The following KAZN variants were observed in gnomAD, a reference collection of about 807,000 sequenced individuals.
KAZN encodes kazrin, periplakin interacting protein, also known as kazrin.
KAZN carries 40 observed loss-of-function variants against 87.4 expected under a neutral mutation model. The ratio of observed to expected loss-of-function variants is 0.46; its 90% CI spans 0.36 to 0.60. The LOEUF (loss-of-function observed/expected upper bound fraction) is 0.60. Ranked by LOEUF, KAZN falls within the 20% of genes least tolerant of loss-of-function variation. The pLI is 0.00. For missense variants in KAZN, 898 were observed against 1,073.9 expected, an observed-to-expected ratio of 0.84 and a Z score of 2.29; for synonymous variants, 466 against 458.3, an observed-to-expected ratio of 1.02 and a Z score of -0.22.
chr1:14,044,032 C>T (rs1641952203), intron 1 of KAZN, among the ~76,000 whole-genome samples: 1 of 152,160 alleles, frequency 6.6e-6, no homozygotes, highest in African/African-American at 2.4e-5. Context: ...GGTCTAAAGT[C>T]AACTGAAGAC....
chr1:14,199,016 G>A (rs1181046382), intron 2 of KAZN, among the ~76,000 whole-genome samples: 1 of 152,118 alleles, frequency 6.6e-6, no homozygotes, highest in Non-Finnish European at 1.5e-5. Flanking sequence ...ATGGGTTTGA[G>A]AGATAGTCTG....
intron 2 of KAZN, among the ~76,000 whole-genome samples, chr1:14,418,706 T>C (rs1156501089): frequency 6.6e-6 from 1 of 152,194 alleles, no homozygotes; most frequent in Non-Finnish European, 1.5e-5. Context: ...AAGCAACTTT[T>C]TGTCTATGAT....
intron 2 of KAZN, among the ~76,000 whole-genome samples, chr1:14,269,366 A>G (rs1390163265): frequency 6.6e-6 from 1 of 152,210 alleles, no homozygotes; most frequent in Non-Finnish European, 1.5e-5. Context: ...ATGGCTTCTG[A>G]ACACTTGACT....
chr1:14,480,747 G>A (rs1212911635), intron 2 of KAZN, among the ~76,000 whole-genome samples: 3 of 142,760 alleles, frequency 2.1e-5, no homozygotes, highest in Non-Finnish European at 4.6e-5. Flanking sequence ...TACTATATAT[G>A]TATTTATATA....
chr1:14,535,103 C>T (rs1427231102), intron 2 of KAZN, among the ~76,000 whole-genome samples: 1 of 152,186 alleles, frequency 6.6e-6, no homozygotes, highest in African/African-American at 2.4e-5. Flanking sequence ...GCTTGACTGG[C>T]CACCTAGTCC....
At chr1:14,946,320 T>TCTC (rs1557648484) in intron 1 of KAZN, 2 of 143,736 alleles carry the variant, frequency 1.4e-5, no homozygotes, top group East Asian at 4.1e-4. Context: ...ATTCTCTCTC[T>TCTC]CTTTTTTTTT....
chr1:14,997,367 A>G (rs1668004894), intron 2 of KAZN, among the ~76,000 whole-genome samples: 1 of 151,806 alleles, frequency 6.6e-6, no homozygotes, highest in Admixed American at 6.6e-5. Context: ...CAGCCTCCCG[A>G]GTAGCTGGGA....
At chr1:13,919,563 C>G (rs1639987021) in intron 1 of KAZN, among the ~76,000 whole-genome samples, 1 of 152,142 alleles carries the variant, frequency 6.6e-6, no homozygotes. Context: ...AGGAGTAGAA[C>G]TGGATCATGG....
intron 1 of KAZN, among the ~76,000 whole-genome samples, chr1:14,885,419 C>T (rs1057239151): frequency 2.0e-5 from 3 of 152,160 alleles, no homozygotes; most frequent in African/African-American, 7.2e-5. Flanking sequence ...CCTAAGTGTC[C>T]CCACTTCCCC....
At chr1:14,977,830 G>A (rs1364090193) in intron 2 of KAZN, among the ~76,000 whole-genome samples, 4 of 152,136 alleles carry the variant, frequency 2.6e-5, no homozygotes, top group African/African-American at 9.6e-5. Context: ...CCTGGGCAGG[G>A]CTGACTGTTG....
intron 2 of KAZN, among the ~76,000 whole-genome samples, chr1:14,554,146 C>T (rs1260579728): frequency 3.9e-5 from 6 of 152,140 alleles, no homozygotes; most frequent in Admixed American, 3.9e-4. Flanking sequence ...ATTTCTATAA[C>T]TCATGTCACT....
chr1:14,543,808 C>T (rs771356023), intron 2 of KAZN, among the ~76,000 whole-genome samples: 2 of 152,098 alleles, frequency 1.3e-5, no homozygotes, highest in Admixed American at 6.5e-5. Flanking sequence ...CATACATTAG[C>T]GCTGCTCCTG....
At chr1:14,612,613 A>C (rs1677908995) in intron 1 of KAZN, among the ~76,000 whole-genome samples, 1 of 152,160 alleles carries the variant, frequency 6.6e-6, no homozygotes, top group Non-Finnish European at 1.5e-5. Context: ...TGGTAGAGTG[A>C]CTGGGCTGGT....
chr1:14,716,054 G>A (rs1642777710), intron 1 of KAZN, among the ~76,000 whole-genome samples: 1 of 152,226 alleles, frequency 6.6e-6, no homozygotes, highest in Non-Finnish European at 1.5e-5. Flanking sequence ...CATCAGAAGT[G>A]TTTTAAGAGC....
chr1:14,335,113 C>CA (rs576281133), intron 2 of KAZN, among the ~76,000 whole-genome samples: 6 of 149,876 alleles, frequency 4.0e-5, no homozygotes, highest in Admixed American at 1.4e-4. Flanking sequence ...GGTGCCCCCC[C>CA]CCCACCACCC....
intron 2 of KAZN, among the ~76,000 whole-genome samples, chr1:14,217,507 G>A (rs1646984496): frequency 1.3e-5 from 2 of 151,688 alleles, no homozygotes; most frequent in South Asian, 4.2e-4. Context: ...CACTCAGAAA[G>A]GATAAAAATG....
intron 1 of KAZN, among the ~76,000 whole-genome samples, chr1:14,006,378 G>A (rs1245387485): frequency 1.3e-5 from 2 of 152,168 alleles, no homozygotes; most frequent in Admixed American, 1.3e-4. Context: ...CAAGGAAGGG[G>A]GAGCTGGCAT....
intron 2 of KAZN, among the ~76,000 whole-genome samples, chr1:14,302,099 A>C (rs1654597358): frequency 6.6e-6 from 1 of 152,218 alleles, no homozygotes; most frequent in East Asian, 1.9e-4. Context: ...GAAAAAATGG[A>C]AGATGCATAG....
intron 2 of KAZN, among the ~76,000 whole-genome samples, chr1:14,318,150 T>C (rs1332079046): frequency 2.0e-5 from 3 of 152,098 alleles, no homozygotes; most frequent in African/African-American, 4.8e-5. Context: ...AACAATTTAC[T>C]TTATATTTAC....
Sources: gnomAD v4.1 joint callset for allele counts (sites outside exome capture counted in the v4.1 genomes callset) on GRCh38, gnomAD v4.1.1 for gene constraint, MANE v1.5 for transcripts, NCBI Gene and HGNC (gene_info 2026-07-23, HGNC 2026-07-21) for gene names.